YEATS2: variants seen among roughly 807,000 people sequenced by gnomAD.
The protein encoded by YEATS2 is YEATS domain containing 2, also known as YEATS domain-containing protein 2.
YEATS2 carries 77 observed loss-of-function variants against 163.2 expected under a neutral mutation model. That is an observed-to-expected ratio of 0.47 (90% CI 0.39 to 0.57). YEATS2 has a LOEUF of 0.57. Among genes scored for constraint, YEATS2 ranks in the 20% least tolerant of loss-of-function variants. YEATS2 has a pLI of 0.00. For synonymous variants in YEATS2, 631 were observed against 645.1 expected, an observed-to-expected ratio of 0.98 and a Z score of 0.33; for missense variants, 1,549 against 1,729.8, an observed-to-expected ratio of 0.90 and a Z score of 1.85.
At chr3:183,755,113 G>T (rs1447789236) in intron 11 of YEATS2, among the ~76,000 whole-genome samples, 1 of 151,994 alleles carries the variant, frequency 6.6e-6, no homozygotes, top group Non-Finnish European at 1.5e-5. Context: ...CTTCTAATTG[G>T]TAGGCAATTT....
In YEATS2 at chr3:183,786,363, A is replaced by G. The variant is rs1724067932; in HGVS notation, c.2913+62A>G. ...ACATGAAAGTGGTGTAGATACAAGG[A>G]AGGTGTCCAGCAGGCACACCAGTGG... On this transcript the variant is annotated intron_variant, in intron 20 of 30. Coordinates refer to ENST00000305135, the MANE Select transcript of YEATS2 (RefSeq NM_018023.5). The G allele has an allele frequency of 1.7e-5, 25 of 1,512,620 alleles. 1 individual carries two copies. In the South Asian group the frequency reaches 2.8e-4, roughly 17 times the overall value. The allele number at this position is 1,512,620 out of a possible 1,614,324, so 93.7% of individuals were successfully genotyped here. A position where few individuals can be genotyped will look rare whatever the true frequency, so the allele number is the denominator to read the frequency against.
chr3:183,754,168 A>G lies in YEATS2; in HGVS notation c.1193A>G (p.Tyr398Cys). The G allele has an allele frequency of 1.9e-6, 3 of 1,610,660 alleles. No individual in the cohort carries two copies. The highest frequency in any genetic ancestry group is 1.7e-6 in the Non-Finnish European group (2 of 1,177,190). The change falls in exon 11 of 31, where the codon TAT (tyrosine) becomes TGT (cysteine). Residue 398 changes from tyrosine to cysteine, a missense_variant. Transcript: ENST00000305135. ...STEAERHTPFYALPSSLERTP... is the reference protein window; with the variant it reads ...STEAERHTPFCALPSSLERTP... Reference sequence around the variant, plus strand: ...GAAGCTGAACGACACACTCCGTTTTATGCTTTGCCATCTTCATTGGAAAGA... The same window carrying G: ...GAAGCTGAACGACACACTCCGTTTTGTGCTTTGCCATCTTCATTGGAAAGA...
intron 12 of YEATS2, among the ~76,000 whole-genome samples, chr3:183,757,162 G>T (rs935590970): frequency 1.3e-5 from 2 of 152,088 alleles, no homozygotes; most frequent in African/African-American, 4.8e-5. Context: ...ACTCTAATAG[G>T]AAAAAGTCAT....
At chr3:183,762,548 A>G (rs1209821050) in intron 15 of YEATS2, among the ~76,000 whole-genome samples, 4 of 152,224 alleles carry the variant, frequency 2.6e-5, no homozygotes, top group Non-Finnish European at 4.4e-5. Flanking sequence ...GTGGAGGCAG[A>G]GCTGACTCAT....
At chr3:183,767,526 A>G (rs535697595) in intron 15 of YEATS2, among the ~76,000 whole-genome samples, 1 of 151,978 alleles carries the variant, frequency 6.6e-6, no homozygotes, top group African/African-American at 2.4e-5. Flanking sequence ...GATTACAGGC[A>G]CCCACCACCA....
chr3:183,761,996 A>G, intron 14 of YEATS2, 101 bp from the exon 15 acceptor site: 1 of 1,485,310 alleles, frequency 6.7e-7, no homozygotes, highest in Non-Finnish European at 9.3e-7. Flanking sequence ...AAGTTTCATC[A>G]ATTCATTAAT....
intron 21 of YEATS2, among the ~76,000 whole-genome samples, chr3:183,792,131 A>T (rs1474173529): frequency 1.3e-5 from 2 of 152,130 alleles, no homozygotes; most frequent in African/African-American, 4.8e-5. Context: ...CGAAGATTTT[A>T]TTTTTTTAAA....
At chr3:183,766,435 C>T (rs1294721796) in intron 15 of YEATS2, among the ~76,000 whole-genome samples, 1 of 152,226 alleles carries the variant, frequency 6.6e-6, no homozygotes, top group Non-Finnish European at 1.5e-5. Flanking sequence ...GATACAGACT[C>T]TTCCCCTTCA....
At chr3:183,810,192 C>A (rs1490832170) in intron 30 of YEATS2, 1 of 338,296 alleles carries the variant, frequency 3.0e-6, no homozygotes, top group Non-Finnish European at 5.6e-6. Flanking sequence ...GACTCACTCA[C>A]AAATGTGTCA....
chr3:183,808,100 T>C lies in YEATS2; in HGVS notation c.4082T>C (p.Leu1361Pro). The change falls in exon 29 of 31, where the codon CTG (leucine) becomes CCG (proline). Residue 1361 changes from leucine (L) to proline (P), a missense_variant. Physicochemically the swap from Leu to Pro is moderately conservative, Grantham distance 98 (BLOSUM62 -3). Transcript: ENST00000305135. ...GCGTCCGTGGTGGAGGACATGATCC[T>C]GAAGGTGGGTGCCTGCAGGGGCCGC... ...VYASVVEDMI[L>P]KATEQLVNDI... The C allele has an allele frequency of 6.4e-7, 1 of 1,552,698 alleles. No individual in the cohort carries two copies. The highest frequency in any genetic ancestry group is 8.7e-7 in the Non-Finnish European group (1 of 1,147,188).
chr3:183,752,336 G>T, intron 10 of YEATS2, 83 bp downstream of exon 10: 1 of 1,526,238 alleles, frequency 6.6e-7, no homozygotes, highest in Non-Finnish European at 9.0e-7. Context: ...ATAGTATATG[G>T]AAAATAACTT....
At chr3:183,781,739 C>CA (rs1241983997) in intron 19 of YEATS2, among the ~76,000 whole-genome samples, 7 of 150,238 alleles carry the variant, frequency 4.7e-5, no homozygotes, top group South Asian at 2.1e-4. Context: ...GACTCCGTCT[C>CA]AAAAAAAAAG....
chr3:183,747,524 G>A (rs1207653060), intron 8 of YEATS2, 148 bp from the exon 9 acceptor site: 1 of 377,236 alleles, frequency 2.7e-6, no homozygotes, highest in Non-Finnish European at 4.7e-6. Context: ...ATTTTTTATT[G>A]AAGTGATGAA....
chr3:183,787,543 G>T (rs1036931963), intron 20 of YEATS2, among the ~76,000 whole-genome samples: 1 of 151,756 alleles, frequency 6.6e-6, no homozygotes, highest in Admixed American at 6.6e-5. Context: ...TTTTTTAGTT[G>T]GTTGTCTTTT....
chr3:183,713,727 T>C (rs1208758171), intron 1 of YEATS2, among the ~76,000 whole-genome samples: 1 of 152,260 alleles, frequency 6.6e-6, no homozygotes, highest in Admixed American at 6.5e-5. Flanking sequence ...AGAGGAGCAC[T>C]GTCCAATAAA....
intron 20 of YEATS2, 100 bp downstream of exon 20, chr3:183,786,401 TACTC>T: frequency 5.9e-6 from 7 of 1,188,906 alleles, no homozygotes; most frequent in Non-Finnish European, 6.9e-6. Context: ...CTTTTAAAAA[TACTC>T]AACTATTGCT....
At chr3:183,725,498 C>CT (rs2109083083) in intron 6 of YEATS2, among the ~76,000 whole-genome samples, 1 of 152,256 alleles carries the variant, frequency 6.6e-6, no homozygotes, top group South Asian at 2.1e-4. Flanking sequence ...TGCCACATGG[C>CT]TAGGGAGGCC....
At chr3:183,740,215 A>C (rs1445500150) in intron 8 of YEATS2, among the ~76,000 whole-genome samples, 2 of 151,576 alleles carry the variant, frequency 1.3e-5, no homozygotes, top group East Asian at 1.9e-4. Context: ...TCATCTGACA[A>C]AGGGCTAATA....
chr3:183,789,524 A>ATTTTTTTTTTTTT (rs1560317945), intron 20 of YEATS2, among the ~76,000 whole-genome samples: 1 of 77,062 alleles, frequency 1.3e-5, no homozygotes, highest in African/African-American at 5.3e-5. Flanking sequence ...CATTCGAGTT[A>ATTTTTTTTTTTTT]ATTTTTTTTT....
Sources: gnomAD v4.1 joint callset for allele counts (sites outside exome capture counted in the v4.1 genomes callset) on GRCh38, gnomAD v4.1.1 for gene constraint, MANE v1.5 for transcripts, NCBI Gene and HGNC (gene_info 2026-07-23, HGNC 2026-07-21) for gene names.